NXPH1: variants seen among roughly 807,000 people sequenced by gnomAD.
The protein encoded by NXPH1 is neurexophilin-1.
A neutral mutation model predicts 23.7 loss-of-function variants in NXPH1; 5 were observed. That is an observed-to-expected ratio of 0.21 (90% CI 0.11 to 0.44). NXPH1 has a LOEUF of 0.44. Ranked by LOEUF, NXPH1 falls within the 20% of genes least tolerant of loss-of-function variation. The pLI is 0.99. For missense variants in NXPH1, 324 were observed against 321.6 expected, an observed-to-expected ratio of 1.01 and a Z score of -0.06; for synonymous variants, 144 against 122.2, an observed-to-expected ratio of 1.18 and a Z score of -1.18.
intron 2 of NXPH1, among the ~76,000 whole-genome samples, chr7:8,627,204 G>C (rs941010559): frequency 6.6e-6 from 1 of 152,048 alleles, no homozygotes; most frequent in Non-Finnish European, 1.5e-5. Context: ...TTGATGTCCA[G>C]CAACTATTAT....
At chr7:8,511,765 A>AATCCTC (rs1411325308) in intron 2 of NXPH1, among the ~76,000 whole-genome samples, 1 of 152,124 alleles carries the variant, frequency 6.6e-6, no homozygotes, top group Non-Finnish European at 1.5e-5. Flanking sequence ...CTTAGCTTTA[A>AATCCTC]ATCCTCTCAC....
At chr7:8,552,069 A>G (rs1183226374) in intron 2 of NXPH1, among the ~76,000 whole-genome samples, 2 of 150,510 alleles carry the variant, frequency 1.3e-5, no homozygotes, top group East Asian at 3.9e-4. Flanking sequence ...TCTAAGAACA[A>G]TAATTCTATT....
At chr7:8,487,536 A>G (rs1027835506) in intron 2 of NXPH1, among the ~76,000 whole-genome samples, 5 of 152,170 alleles carry the variant, frequency 3.3e-5, no homozygotes, top group Non-Finnish European at 7.3e-5. Context: ...CAGTGGGAAC[A>G]GACTAATACT....
Position 8,529,610 on chromosome 7 carries a change from T to C in NXPH1, c.54+93843T>C, listed in dbSNP as rs532535809. ...ATTCAAGTCTTGGCTTTGCCAGTTA[T>C]TAAATTTATTAACTCAATCAAATTA... is the stretch of plus-strand genomic sequence containing the variant. On this transcript the variant is annotated intron_variant, in intron 2 of 2. Coordinates refer to ENST00000405863, the MANE Select transcript of NXPH1 (RefSeq NM_152745.3). Among the ~76,000 whole-genome samples the C allele has an allele frequency of 2.0e-3, 308 of 152,336 alleles. 2 individuals are homozygous for C. Among genetic ancestry groups the C allele is most frequent in the African/African-American group, 7.0e-3 (293 of 41,594 alleles).
At chr7:8,457,214 T>C (rs887856064) in intron 2 of NXPH1, among the ~76,000 whole-genome samples, 6 of 152,206 alleles carry the variant, frequency 3.9e-5, no homozygotes, top group South Asian at 4.1e-4. Flanking sequence ...TTCTCTTTAC[T>C]GTGCAACCAT....
chr7:8,639,674 G>A (rs747452614), intron 2 of NXPH1, among the ~76,000 whole-genome samples: 2 of 152,244 alleles, frequency 1.3e-5, no homozygotes, highest in Middle Eastern at 3.4e-3. Flanking sequence ...GAATTCCCAC[G>A]TATTGTGGGA....
chr7:8,561,952 A>C (rs1329248196), intron 2 of NXPH1, among the ~76,000 whole-genome samples: 2 of 151,756 alleles, frequency 1.3e-5, no homozygotes, highest in African/African-American at 4.8e-5. Flanking sequence ...ACATATACAT[A>C]GTGAAACGGT....
At chr7:8,615,865 A>G (rs896858655) in intron 2 of NXPH1, among the ~76,000 whole-genome samples, 1 of 152,112 alleles carries the variant, frequency 6.6e-6, no homozygotes, top group African/African-American at 2.4e-5. Flanking sequence ...AAGAGCATAT[A>G]GGAGATTGGA....
intron 2 of NXPH1, among the ~76,000 whole-genome samples, chr7:8,656,936 T>A (rs564112855): frequency 4.1e-4 from 62 of 152,368 alleles, no homozygotes; most frequent in Admixed American, 7.8e-4. Flanking sequence ...TTCCCATGAA[T>A]TTACAATTCT....
At chr7:8,731,396 C>A (rs1780150912) in intron 2 of NXPH1, among the ~76,000 whole-genome samples, 1 of 152,182 alleles carries the variant, frequency 6.6e-6, no homozygotes, top group South Asian at 2.1e-4. Context: ...AACTGTGTTC[C>A]TTTGGAGGAG....
intron 2 of NXPH1, among the ~76,000 whole-genome samples, chr7:8,467,905 T>A (rs963723602): frequency 1.3e-5 from 2 of 152,122 alleles, no homozygotes; most frequent in Admixed American, 1.3e-4. Context: ...AGCTTCTAAG[T>A]TTTTCGGGCA....
At chr7:8,662,259 T>C (rs1035640161) in intron 2 of NXPH1, among the ~76,000 whole-genome samples, 10 of 151,998 alleles carry the variant, frequency 6.6e-5, no homozygotes, top group African/African-American at 2.4e-4. Context: ...TGATATTTGT[T>C]TCTATGTTTG....
At chr7:8,620,821 G>T (rs1043837675) in intron 2 of NXPH1, among the ~76,000 whole-genome samples, 2 of 152,088 alleles carry the variant, frequency 1.3e-5, no homozygotes, top group Admixed American at 6.6e-5. Context: ...CACTTTAAAG[G>T]CCTCATGGGG....
At chr7:8,705,965 C>T (rs141095883) in intron 2 of NXPH1, among the ~76,000 whole-genome samples, 1 of 152,280 alleles carries the variant, frequency 6.6e-6, no homozygotes, top group African/African-American at 2.4e-5. Flanking sequence ...AAGGAAAAGC[C>T]TCTGCAGCTA....
intron 2 of NXPH1, among the ~76,000 whole-genome samples, chr7:8,651,019 T>C (rs1820482856): frequency 6.6e-6 from 1 of 151,238 alleles, no homozygotes; most frequent in East Asian, 2.0e-4. Flanking sequence ...ATGTGCACAA[T>C]GTGCAGGTTA....
At chr7:8,443,137 C>A (rs1288833748) in intron 2 of NXPH1, among the ~76,000 whole-genome samples, 1 of 152,220 alleles carries the variant, frequency 6.6e-6, no homozygotes, top group Admixed American at 6.5e-5. Context: ...GACCCGCCTA[C>A]CCCTTCCAGC....
At chr7:8,629,520 G>T (rs549325740) in intron 2 of NXPH1, among the ~76,000 whole-genome samples, 1 of 152,102 alleles carries the variant, frequency 6.6e-6, no homozygotes, top group African/African-American at 2.4e-5. Flanking sequence ...TTCATAGCTA[G>T]TTAAAAATAA....
chr7:8,617,342 G>A (rs1307897554), intron 2 of NXPH1, among the ~76,000 whole-genome samples: 2 of 152,202 alleles, frequency 1.3e-5, no homozygotes, highest in East Asian at 1.9e-4. Flanking sequence ...ATATCAAAGA[G>A]ATATTTGCAC....
chr7:8,450,228 T>C (rs1319811492), intron 2 of NXPH1, among the ~76,000 whole-genome samples: 1 of 152,190 alleles, frequency 6.6e-6, no homozygotes, highest in Non-Finnish European at 1.5e-5. Flanking sequence ...AAACCATATA[T>C]ACAAAGCATA....
Sources: gnomAD v4.1 joint callset for allele counts (sites outside exome capture counted in the v4.1 genomes callset) on GRCh38, gnomAD v4.1.1 for gene constraint, MANE v1.5 for transcripts, NCBI Gene and HGNC (gene_info 2026-07-23, HGNC 2026-07-21) for gene names.